The following CDH4 variants were observed in gnomAD, a reference collection of about 807,000 sequenced individuals.
The protein encoded by CDH4 is cadherin-4.
In CDH4, 33 loss-of-function variants were observed where a neutral mutation model predicts 86.0. The observed-to-expected ratio is 0.38, with a 90% confidence interval of 0.29 to 0.51. CDH4 has a LOEUF of 0.51. CDH4 is among the 20% of genes least tolerant of loss of function. The pLI is 0.86. For missense variants in CDH4, 1,114 were observed against 1,307.4 expected (o/e 0.85, Z 2.28); for synonymous variants, 555 against 549.4 (o/e 1.01, Z -0.14).
intron 2 of CDH4, among the ~76,000 whole-genome samples, chr20:61,644,453 C>G (rs1305963764): frequency 2.0e-5 from 3 of 152,206 alleles, no homozygotes; most frequent in African/African-American, 7.2e-5. Flanking sequence ...CTGCCTTGGC[C>G]TCCCCCTGCA....
In CDH4 at chr20:61,657,968, C is replaced by T. The variant is rs187612122; in HGVS notation, c.170-85595C>T. 3.0e-3 allele frequency among the ~76,000 whole-genome samples: 451 copies of T among 152,302 alleles called. 1 individual carries two copies. The highest frequency in any genetic ancestry group is 6.9e-3 in the Admixed American group (105 of 15,300). Reference sequence around the variant, plus strand: ...CAATGGCACTGTGTGTCTTGTGGTTCTGCTTTATGACCCTTTACTGGAGGG... The same window carrying T: ...CAATGGCACTGTGTGTCTTGTGGTTTTGCTTTATGACCCTTTACTGGAGGG... On this transcript the variant is annotated intron_variant, in intron 2 of 15. Transcript: ENST00000614565.
At chr20:61,290,660 T>C (rs549906530) in intron 2 of CDH4, among the ~76,000 whole-genome samples, 1 of 152,296 alleles carries the variant, frequency 6.6e-6, no homozygotes, top group East Asian at 1.9e-4. Context: ...GAGTGCCTTC[T>C]CCAGAAGATG....
chr20:61,543,661 T>C (rs998875326), intron 2 of CDH4, among the ~76,000 whole-genome samples: 3 of 152,350 alleles, frequency 2.0e-5, no homozygotes, highest in Admixed American at 6.5e-5. Context: ...GAGGTTTCAG[T>C]CAGGGGGCTG....
intron 4 of CDH4, among the ~76,000 whole-genome samples, chr20:61,803,222 G>A (rs1770001644): frequency 6.6e-6 from 1 of 152,108 alleles, no homozygotes; most frequent in South Asian, 2.1e-4. Flanking sequence ...TGCTCTCAGA[G>A]TGGCAGGGAG....
chr20:61,757,522 G>T (rs373256093), intron 3 of CDH4, among the ~76,000 whole-genome samples: 1 of 152,206 alleles, frequency 6.6e-6, no homozygotes, highest in African/African-American at 2.4e-5. Flanking sequence ...CTGCAGGGGC[G>T]GCCCCAGACT....
chr20:61,481,904 G>GTTCCATACATATCGATGACTT (rs2085570428), intron 2 of CDH4, among the ~76,000 whole-genome samples: 1 of 152,136 alleles, frequency 6.6e-6, no homozygotes, highest in Non-Finnish European at 1.5e-5. Context: ...ATGTTTTTCA[G>GTTCCATACATATCGATGACTT]TTCCATACAT....
intron 3 of CDH4, among the ~76,000 whole-genome samples, chr20:61,766,524 C>T (rs1427392471): frequency 6.6e-6 from 1 of 152,156 alleles, no homozygotes; most frequent in African/African-American, 2.4e-5. Flanking sequence ...GTCAATGCTC[C>T]CTAGACAGTA....
At chr20:61,558,833 C>T (rs971483536) in intron 2 of CDH4, among the ~76,000 whole-genome samples, 3 of 152,250 alleles carry the variant, frequency 2.0e-5, no homozygotes, top group African/African-American at 4.8e-5. Context: ...GAAGGTCTCA[C>T]CTCCGGAGTG....
At chr20:61,315,582 G>A (rs1039548808) in intron 2 of CDH4, among the ~76,000 whole-genome samples, 6 of 152,218 alleles carry the variant, frequency 3.9e-5, no homozygotes, top group Non-Finnish European at 7.3e-5. Context: ...GGAGGATGTC[G>A]GGGAGAAACG....
At chr20:61,763,152 T>C (rs558200299) in intron 3 of CDH4, among the ~76,000 whole-genome samples, 2 of 152,320 alleles carry the variant, frequency 1.3e-5, no homozygotes, top group East Asian at 3.9e-4. Flanking sequence ...GCTGCCGGCT[T>C]CCCTTAGAAA....
intron 2 of CDH4, among the ~76,000 whole-genome samples, chr20:61,536,154 C>T (rs1219497834): frequency 3.3e-5 from 5 of 152,260 alleles, no homozygotes; most frequent in South Asian, 2.1e-4. Context: ...CCAAACCAGC[C>T]GCAGGGAAGG....
chr20:61,459,003 C>T (rs946686940), intron 2 of CDH4, among the ~76,000 whole-genome samples: 19 of 149,974 alleles, frequency 1.3e-4, no homozygotes, highest in African/African-American at 4.7e-4. Context: ...GGTCCAGCCT[C>T]TGAGCCCTGG....
chr20:61,334,998 G>A (rs1033944783), intron 2 of CDH4, among the ~76,000 whole-genome samples: 3 of 152,220 alleles, frequency 2.0e-5, no homozygotes, highest in Non-Finnish European at 4.4e-5. Flanking sequence ...GAGGCATTCT[G>A]CCTCTTAATA....
intron 3 of CDH4, among the ~76,000 whole-genome samples, chr20:61,765,272 G>A (rs866253982): frequency 3.3e-5 from 5 of 152,150 alleles, no homozygotes; most frequent in South Asian, 2.1e-4. Flanking sequence ...AGTAAGAGGC[G>A]GGAGTGGTGA....
At chr20:61,357,110 A>G (rs28673315) in intron 2 of CDH4, among the ~76,000 whole-genome samples, 42,742 of 152,178 alleles carry the variant, frequency 0.28, 6,434 homozygotes, top group Middle Eastern at 0.45. Flanking sequence ...CCAGGCTAGA[A>G]GCATGGCCAT....
chr20:61,748,619 T>C (rs2088447726), intron 3 of CDH4, among the ~76,000 whole-genome samples: 1 of 152,230 alleles, frequency 6.6e-6, no homozygotes, highest in African/African-American at 2.4e-5. Flanking sequence ...AGCAGTGTAA[T>C]GTTTCATGGG....
chr20:61,521,715 G>A (rs2085870253), intron 2 of CDH4, among the ~76,000 whole-genome samples: 1 of 152,170 alleles, frequency 6.6e-6, no homozygotes, highest in Non-Finnish European at 1.5e-5. Context: ...CATAATAAGA[G>A]GGGGGTGGGT....
chr20:61,393,396 C>G lies in CDH4; in HGVS notation c.169+138459C>G, dbSNP rs1452554480. ...TAGCTTGTGTATGGATCAACAACCACCAGCCCCTCTGATGTCGAGGACCCC... is the reference window on the plus strand; with the variant it reads ...TAGCTTGTGTATGGATCAACAACCAGCAGCCCCTCTGATGTCGAGGACCCC... On this transcript the variant is annotated intron_variant, in intron 2 of 15. Transcript: ENST00000614565. This position sits in a 1 kb window ranked among gnomAD's most constrained non-coding sequence, Gnocchi z 4.3. Among the ~76,000 whole-genome samples, 2 of 152,228 alleles carry G rather than the reference C, an allele frequency of 1.3e-5. No individual in the cohort carries two copies. Among genetic ancestry groups the G allele is most frequent in the East Asian group, 3.9e-4 (2 of 5,176 alleles).
chr20:61,909,762 A>T (rs1332670976), intron 8 of CDH4, among the ~76,000 whole-genome samples: 1 of 152,230 alleles, frequency 6.6e-6, no homozygotes, highest in Non-Finnish European at 1.5e-5. Flanking sequence ...TCCCCAGCTC[A>T]GAATTCTTAC....
Sources: gnomAD v4.1 joint callset for allele counts (sites outside exome capture counted in the v4.1 genomes callset) on GRCh38, gnomAD v4.1.1 for gene constraint, Gnocchi (gnomAD v3.1) non-coding constraint, MANE v1.5 for transcripts, NCBI Gene and HGNC (gene_info 2026-07-23, HGNC 2026-07-21) for gene names.